PFDN1: variants seen among roughly 807,000 people sequenced by gnomAD.
PFDN1 encodes the protein prefoldin subunit 1, also known as prefoldin 1.
Under a neutral mutation model 17.3 loss-of-function variants are expected in PFDN1, and 6 were observed. That is an observed-to-expected ratio of 0.35 (90% CI 0.19 to 0.69). The LOEUF (loss-of-function observed/expected upper bound fraction) is 0.69, where lower values mean the gene tolerates loss of function less well. PFDN1 is among the 30% of genes least tolerant of loss of function. The pLI is 0.65. For synonymous variants in PFDN1, 58 were observed against 50.1 expected, an observed-to-expected ratio of 1.16 and a Z score of -0.67; for missense variants, 113 against 146.2, an observed-to-expected ratio of 0.77 and a Z score of 1.17.
chr5:140,302,898 G>A, intron 1 of PFDN1, 143 bp downstream of exon 1: 1 of 732,232 alleles, frequency 1.4e-6, no homozygotes, highest in Non-Finnish European at 2.5e-6. Context: ...GACCCAGTGA[G>A]GCCTTAGGAC....
At chr5:140,287,818 A>C (rs369973853) in intron 2 of PFDN1, among the ~76,000 whole-genome samples, 4 of 152,378 alleles carry the variant, frequency 2.6e-5, no homozygotes, top group South Asian at 2.1e-4. Flanking sequence ...ACAGATGGCA[A>C]ATAAGCAAGT....
At chr5:140,260,212 T>TA (rs1019864181) in intron 3 of PFDN1, among the ~76,000 whole-genome samples, 2 of 151,446 alleles carry the variant, frequency 1.3e-5, no homozygotes, top group East Asian at 1.9e-4. Context: ...TAAAATAAAA[T>TA]AAAAAACAGA....
intron 3 of PFDN1, among the ~76,000 whole-genome samples, chr5:140,247,958 A>C (rs1764855918): frequency 1.3e-5 from 2 of 152,192 alleles, no homozygotes; most frequent in South Asian, 4.1e-4. Context: ...CATTCAATCC[A>C]ATGCCTGCAA....
chr5:140,252,980 T>C (rs546012303), intron 3 of PFDN1, among the ~76,000 whole-genome samples: 1 of 152,270 alleles, frequency 6.6e-6, no homozygotes, highest in South Asian at 2.1e-4. Context: ...TGTAAACTCA[T>C]CTGGGTGCAT....
At chr5:140,296,339 T>C (rs535638631) in intron 2 of PFDN1, among the ~76,000 whole-genome samples, 10 of 152,140 alleles carry the variant, frequency 6.6e-5, no homozygotes, top group Non-Finnish European at 8.8e-5. Flanking sequence ...TGCCAGACAT[T>C]ATACTGAGAA....
At chr5:140,269,421 C>T (rs529139963) in intron 3 of PFDN1, among the ~76,000 whole-genome samples, 8 of 151,708 alleles carry the variant, frequency 5.3e-5, no homozygotes, top group Admixed American at 2.6e-4. Context: ...CGGGTTCAAG[C>T]GATTCTCCTG....
In PFDN1 at chr5:140,266,111, G is replaced by A. The variant is rs1248034070; in HGVS notation, c.285+15338C>T. 3.9e-5 allele frequency among the ~76,000 whole-genome samples: 6 copies of A among 152,202 alleles called. No homozygotes were observed. The East Asian group carries it at 7.7e-4, about 20-fold the overall frequency. ...GAACCCATTCCAGATCTCTTGTGGA[G>A]AATGAGTGACATATGGGGAAGGAAG... On this transcript the variant is annotated intron_variant, in intron 3 of 3. Coordinates refer to ENST00000261813, the MANE Select transcript of PFDN1 (RefSeq NM_002622.5).
rs1335205089 is a variant in PFDN1, at chr5:140,280,014, C to CCAAAAAAAAAAAAAAAAAAAAA, written c.285+1434_285+1435insTTTTTTTTTTTTTTTTTTTTTG. 3.6e-4 allele frequency among the ~76,000 whole-genome samples: 36 copies of CCAAAAAAAAAAAAAAAAAAAAA among 99,122 alleles called. 1 individual carries two copies. Among genetic ancestry groups the CCAAAAAAAAAAAAAAAAAAAAA allele is most frequent in the African/African-American group, 1.1e-3 (21 of 19,934 alleles). 65.0% of individuals were successfully genotyped at this position (99,122 alleles called of 152,430 possible). On this transcript the variant is annotated intron_variant, in intron 3 of 3. Coordinates refer to ENST00000261813, the MANE Select transcript of PFDN1 (RefSeq NM_002622.5). ...CCGTCTCAAAAAAAAAAAAAAAAAACAAAAAAAGAAAAGAAAAGAAAAGAA... is the reference window on the plus strand; with the variant it reads ...CCGTCTCAAAAAAAAAAAAAAAAAACCAAAAAAAAAAAAAAAAAAAAAAAAAAAAGAAAAGAAAAGAAAAGAA...
intron 3 of PFDN1, among the ~76,000 whole-genome samples, chr5:140,262,311 C>T (rs6867870): frequency 6.6e-6 from 1 of 151,954 alleles, no homozygotes; most frequent in Non-Finnish European, 1.5e-5. Flanking sequence ...CATTTCTTTC[C>T]GAGTAAAAGT....
chr5:140,280,017 A>AAAAAAG (rs1561509725), intron 3 of PFDN1, among the ~76,000 whole-genome samples: 8 of 145,520 alleles, frequency 5.5e-5, no homozygotes, highest in African/African-American at 2.0e-4. Flanking sequence ...AAAAAAACAA[A>AAAAAAG]AAAAGAAAAG....
intron 2 of PFDN1, chr5:140,292,943 T>C (rs978365322): frequency 1.3e-5 from 2 of 152,156 alleles, no homozygotes; most frequent in African/African-American, 4.8e-5. Flanking sequence ...GATATTTCAT[T>C]AAGCAGATTA....
At chr5:140,265,855 A>C (rs1407037642) in intron 3 of PFDN1, 1 of 152,224 alleles carries the variant, frequency 6.6e-6, no homozygotes, top group Non-Finnish European at 1.5e-5. Context: ...AGTGAGTAGA[A>C]GCAATGCTAA....
At chr5:140,270,493 T>C (rs1188969839) in intron 3 of PFDN1, among the ~76,000 whole-genome samples, 1 of 152,184 alleles carries the variant, frequency 6.6e-6, no homozygotes, top group Non-Finnish European at 1.5e-5. Context: ...CAAATCCAAT[T>C]ATCTTAAGTC....
intron 2 of PFDN1, among the ~76,000 whole-genome samples, chr5:140,290,207 A>G (rs892750161): frequency 5.3e-5 from 8 of 152,164 alleles, no homozygotes; most frequent in Non-Finnish European, 1.2e-4. Flanking sequence ...GATTGGCCTT[A>G]CCCAATCATT....
At position 140,289,844 on chromosome 5, in the gene PFDN1, G is replaced by A. The variant is rs540867713; in HGVS notation, c.201-8311C>T. ...TATCACCACATGCAAGTCCCAAAAC[G>A]GCAGATATCCTCCTTATATTTCTAA... On this transcript the variant is annotated intron_variant, in intron 2 of 3. Transcript: ENST00000261813. Among the ~76,000 whole-genome samples, 7 of 152,052 alleles carry A rather than the reference G, an allele frequency of 4.6e-5. No homozygotes were observed. The South Asian group carries it at 1.2e-3, about 27-fold the overall frequency.
intron 2 of PFDN1, among the ~76,000 whole-genome samples, chr5:140,299,188 A>G (rs1765698262): frequency 6.6e-6 from 1 of 152,246 alleles, no homozygotes; most frequent in Non-Finnish European, 1.5e-5. Flanking sequence ...ACCTACTTAA[A>G]TAAATCTTCT....
intron 3 of PFDN1, among the ~76,000 whole-genome samples, chr5:140,270,762 A>G (rs556935220): frequency 6.6e-6 from 1 of 152,172 alleles, no homozygotes; most frequent in East Asian, 1.9e-4. Context: ...TGTCTCTTCT[A>G]AAAATACAAA....
intron 3 of PFDN1, among the ~76,000 whole-genome samples, chr5:140,266,525 CT>C (rs912543439): frequency 6.6e-6 from 1 of 152,164 alleles, no homozygotes; most frequent in African/African-American, 2.4e-5. Context: ...AAAAACAATC[CT>C]TTTTTACCTG....
chr5:140,272,752 G>A (rs780093943), intron 3 of PFDN1, among the ~76,000 whole-genome samples: 2 of 152,172 alleles, frequency 1.3e-5, no homozygotes, highest in Non-Finnish European at 2.9e-5. Context: ...CACATGATTA[G>A]GCAGTGATAA....
Sources: allele counts gnomAD v4.1 joint callset (sites outside exome capture counted in the v4.1 genomes callset), GRCh38; gene constraint gnomAD v4.1.1; transcripts MANE v1.5; gene names NCBI Gene and HGNC (gene_info 2026-07-23, HGNC 2026-07-21).